JAG1: variants seen among roughly 807,000 people sequenced by gnomAD.
The protein encoded by JAG1 is protein jagged-1.
A neutral mutation model predicts 148.7 loss-of-function variants in JAG1; 23 were observed. The observed-to-expected ratio is 0.15, with a 90% CI of 0.11 to 0.22. The LOEUF (loss-of-function observed/expected upper bound fraction) is 0.22, where lower values mean the gene tolerates loss of function less well. Ranked by LOEUF, JAG1 falls within the 10% of genes least tolerant of loss-of-function variation. JAG1 has a pLI of 1.00. For synonymous variants in JAG1, 572 were observed against 598.3 expected (o/e 0.96, Z 0.64); for missense variants, 1,054 against 1,611.2 (o/e 0.65, Z 5.92).
intron 8 of JAG1, chr20:10,650,589 G>A: frequency 5.6e-6 from 3 of 535,410 alleles, no homozygotes; most frequent in Non-Finnish European, 1.0e-5. Context: ...AAGCAGTGGG[G>A]GAGAAAGACA....
intron 11 of JAG1, 132 bp from the exon 12 acceptor site, chr20:10,648,854 GA>G (rs1361736602): frequency 9.9e-7 from 1 of 1,006,666 alleles, no homozygotes; most frequent in Non-Finnish European, 1.5e-6. Context: ...CTAAACCTCT[GA>G]AAGTGGTTAG....
intron 11 of JAG1, 26 bp from the exon 12 acceptor site, chr20:10,648,748 G>C (rs2067325662): frequency 6.2e-7 from 1 of 1,609,136 alleles, no homozygotes; most frequent in African/African-American, 1.3e-5. Context: ...GGGAGAGAGA[G>C]ACACATGCTT....
chr20:10,653,383 C>T (rs1463124306), intron 5 of JAG1, among the ~76,000 whole-genome samples: 2 of 149,460 alleles, frequency 1.3e-5, no homozygotes, highest in African/African-American at 5.0e-5. Flanking sequence ...CAAATAGTGC[C>T]TCTGATCCCC....
Position 10,656,446 on chromosome 20 carries a change from T to C in JAG1, c.707A>G (p.Gln236Arg), listed in dbSNP as rs755368244. The C allele has an allele frequency of 1.2e-6, 2 of 1,614,012 alleles. No homozygotes were observed. Among genetic ancestry groups the C allele is most frequent in the Admixed American group, 1.7e-5 (1 of 60,020 alleles). ...GPECNRAICRQGCSPKHGSCK... is the reference protein window; with the variant it reads ...GPECNRAICRRGCSPKHGSCK... ...AGACCCATGCTTAGGACTGCAGCCT[T>C]GTCGGCAAATAGCTGTAAAAAACAG... The change falls in exon 5 of 26, where the codon CAA (glutamine) becomes CGA (arginine). Residue 236 changes from glutamine to arginine, a missense_variant. By Grantham distance (43) the Gln-to-Arg change is conservative. Coordinates refer to ENST00000254958, the MANE Select transcript of JAG1 (RefSeq NM_000214.3).
intron 2 of JAG1, among the ~76,000 whole-genome samples, chr20:10,672,355 AGATCAGCTACAAC>A (rs1307544684): frequency 6.6e-6 from 1 of 152,184 alleles, no homozygotes; most frequent in Non-Finnish European, 1.5e-5. Flanking sequence ...TTAAGCAAAG[AGATCAGCTACAAC>A]GATCTCTTGG....
At position 10,643,791 on chromosome 20, in the gene JAG1, G is replaced by A. The variant is rs777122869; in HGVS notation, c.2445C>T (p.Pro815=). The change falls in exon 20 of 26, where the codon CCC becomes CCT. Residue 815 remains proline, a synonymous_variant. Coordinates refer to ENST00000254958, the MANE Select transcript of JAG1 (RefSeq NM_000214.3). ...GACAGTCCTTACTTATTCTGCAGTC[G>A]GGCCCAGCAAAACCCGGGGCACATT... The part of the protein sequence containing the change: ...RCECAPGFAG[P]DCRININECQ... 2.2e-5 allele frequency: 35 copies of A among 1,613,720 alleles called. No homozygotes were observed. The highest frequency in any genetic ancestry group is 1.6e-4 in the Middle Eastern group (1 of 6,084).
intron 3 of JAG1, among the ~76,000 whole-genome samples, chr20:10,659,340 T>C (rs3790160): frequency 0.54 from 82,607 of 152,160 alleles, 22,582 homozygotes; most frequent in East Asian, 0.71. Flanking sequence ...CAGCTTCTCT[T>C]CTCTGCCAAC....
Position 10,672,707 on chromosome 20 carries a change from G to A in JAG1, c.381C>T (p.Ala127=). The A allele has an allele frequency of 6.2e-7, 1 of 1,612,792 alleles. No homozygotes were observed. The highest frequency in any genetic ancestry group is 8.5e-7 in the Non-Finnish European group (1 of 1,180,002). ...TTCCCGAGTAGTCACTCACCGGCCA[G>A]GCGAAACTGAAAGGCAGCACGATGC... ...RNRIVLPFSF[A]WPRSYTLLVE... is the part of the protein sequence containing the mutation. Residue 127 remains alanine, a synonymous_variant, in exon 2 of 26, where the codon GCC becomes GCT. Coordinates refer to ENST00000254958, the MANE Select transcript of JAG1 (RefSeq NM_000214.3).
At chr20:10,659,620 C>A (rs1367190679) in intron 3 of JAG1, among the ~76,000 whole-genome samples, 3 of 132,546 alleles carry the variant, frequency 2.3e-5, no homozygotes, top group Non-Finnish European at 3.1e-5. Context: ...TTAAAGCCAG[C>A]TCTTAAATAC....
rs763725584 is a variant in JAG1 at position 10,642,499 on chromosome 20, T to C, written c.2561A>G (p.Lys854Arg). The C allele has an allele frequency of 6.2e-7, 1 of 1,607,358 alleles. No homozygotes were observed. Among genetic ancestry groups the C allele is most frequent in the Non-Finnish European group, 8.5e-7 (1 of 1,173,854 alleles). Residue 854 changes from lysine to arginine, a missense_variant, in exon 21 of 26, where the codon AAG becomes AGG. Lys to Arg is a conservative substitution (Grantham distance 26). Coordinates refer to ENST00000254958, the MANE Select transcript of JAG1 (RefSeq NM_000214.3). ...CCTGGCACACATACCTTCCTGGCAC[T>C]TGGCACCACTGTGCCCTGGAGGGCA... is the stretch of plus-strand genomic sequence containing the variant. ...CVCPPGHSGA[K>R]CQEVSGRPCI... is the part of the protein sequence containing the mutation.
intron 5 of JAG1, among the ~76,000 whole-genome samples, chr20:10,653,564 C>G (rs989536181): frequency 2.2e-5 from 1 of 44,968 alleles, no homozygotes; most frequent in East Asian, 5.9e-4. Flanking sequence ...ACTAGCCTCC[C>G]GGTGGAGCGT....
chr20:10,642,689 C>G (rs187273852), intron 20 of JAG1, 88 bp from the exon 21 acceptor site: 2 of 799,668 alleles, frequency 2.5e-6, no homozygotes. Flanking sequence ...ACAAGAAAAG[C>G]ATATCATCAT....
Position 10,648,017 on chromosome 20 carries a change from A to T in JAG1, c.1663T>A (p.Tyr555Asn). 5 of 1,614,170 alleles carry T rather than the reference A, an allele frequency of 3.1e-6. No individual in the cohort carries two copies. The highest frequency in any genetic ancestry group is 4.2e-6 in the Non-Finnish European group (5 of 1,180,018). Residue 555 changes from tyrosine (Y) to asparagine (N), a missense_variant, in exon 13 of 26, where the codon TAT becomes AAT. Physicochemically the swap from Tyr to Asn is moderately radical, Grantham distance 143. Around this residue, in one of 6 missense-constraint regions of JAG1, gnomAD observed 245 missense variants for 373.1 expected, o/e 0.66. Coordinates refer to ENST00000254958, the MANE Select transcript of JAG1 (RefSeq NM_000214.3). Reference protein sequence around the residue: ...SDYFCKCPEDYEGKNCSHLKD... With the variant: ...SDYFCKCPEDNEGKNCSHLKD... ...AGGTGTGAGCAGTTCTTGCCCTCAT[A>T]GTCCTCGGGGCACTTGCAGAAATAG... is the stretch of plus-strand genomic sequence containing the variant.
intron 4 of JAG1, among the ~76,000 whole-genome samples, chr20:10,656,892 AAAAC>A (rs1192957339): frequency 6.0e-4 from 90 of 149,912 alleles, no homozygotes; most frequent in African/African-American, 2.2e-3. Context: ...AAAAAAAAAA[AAAAC>A]AACCCATACC....
chr20:10,663,724 A>G (rs1290617175), intron 3 of JAG1, among the ~76,000 whole-genome samples: 1 of 152,250 alleles, frequency 6.6e-6, no homozygotes, highest in Non-Finnish European at 1.5e-5. Context: ...TCTAGGTTTC[A>G]TAATCAGGGA....
intron 4 of JAG1, among the ~76,000 whole-genome samples, chr20:10,656,893 A>C (rs868371449): frequency 5.8e-4 from 86 of 148,616 alleles, no homozygotes; most frequent in African/African-American, 2.0e-3. Flanking sequence ...AAAAAAAAAA[A>C]AACAACCCAT....
Position 10,651,615 on chromosome 20 carries a change from A to G in JAG1, c.1086T>C (p.Cys362=). ...ATGTGGGGCCGGTCCAGCCTGGGGA[A>G]CACTCACACTCAAAGCCCAGGGAGG... ...KETSLGFECE[C]SPGWTGPTCS... is the part of the protein sequence containing the mutation. The change falls in exon 8 of 26, where the codon TGT becomes TGC. Residue 362 remains cysteine (C), a synonymous_variant. Coordinates refer to ENST00000254958, the MANE Select transcript of JAG1 (RefSeq NM_000214.3). 1 of 1,613,932 alleles carries G rather than the reference A, an allele frequency of 6.2e-7. No individual in the cohort carries two copies. Among genetic ancestry groups the G allele is most frequent in the Non-Finnish European group, 8.5e-7 (1 of 1,179,822 alleles).
chr20:10,663,928 G>A (rs1393982888), intron 3 of JAG1, 35 bp downstream of exon 3: 1 of 1,580,932 alleles, frequency 6.3e-7, no homozygotes, highest in Non-Finnish European at 8.7e-7. Flanking sequence ...ACTTCCACGT[G>A]TGTTTAGAGA....
chr20:10,646,251 A>G, intron 14 of JAG1, 167 bp from the exon 15 acceptor site: 1 of 654,924 alleles, frequency 1.5e-6, no homozygotes, highest in Admixed American at 2.1e-5. Context: ...CTTATCAAGC[A>G]GAAGCTTCCA....
Sources: gnomAD v4.1 joint callset for allele counts (sites outside exome capture counted in the v4.1 genomes callset) on GRCh38, gnomAD v4.1.1 for gene constraint, gnomAD v4.1.1 regional missense constraint, MANE v1.5 for transcripts, NCBI Gene and HGNC (gene_info 2026-07-23, HGNC 2026-07-21) for gene names.